Variants in DZIP3 observed in about 807,000 individuals in gnomAD.
DZIP3 encodes the protein DAZ interacting zinc finger protein 3.
Under a neutral mutation model 162.0 loss-of-function variants are expected in DZIP3, and 118 were observed. That is an observed-to-expected ratio of 0.73 (90% CI 0.63 to 0.85). The LOEUF (loss-of-function observed/expected upper bound fraction) is 0.85. Among genes scored for constraint, DZIP3 ranks in the 40% least tolerant of loss-of-function variants. The pLI is 0.00. For missense variants in DZIP3, 1,331 were observed against 1,407.0 expected (o/e 0.95, Z 0.86); for synonymous variants, 438 against 458.6 (o/e 0.96, Z 0.57).
intron 26 of DZIP3, among the ~76,000 whole-genome samples, chr3:108,681,644 AGCCC>A (rs1559783157): frequency 2.6e-5 from 4 of 152,128 alleles, no homozygotes; most frequent in Admixed American, 6.6e-5. Flanking sequence ...TGTTTATTGC[AGCCC>A]TGTTCACAGT....
intron 1 of DZIP3, among the ~76,000 whole-genome samples, chr3:108,595,584 A>G (rs2107431535): frequency 6.6e-6 from 1 of 152,316 alleles, no homozygotes; most frequent in South Asian, 2.1e-4. Flanking sequence ...AGTTTCAGAA[A>G]TACACCTGAT....
chr3:108,643,777 T>A (rs1218551207), intron 13 of DZIP3, among the ~76,000 whole-genome samples: 2 of 152,082 alleles, frequency 1.3e-5, no homozygotes, highest in Non-Finnish European at 2.9e-5. Context: ...CTGATTAGGA[T>A]AAAGTATAAT....
At chr3:108,609,110 T>A (rs1940556079) in intron 3 of DZIP3, among the ~76,000 whole-genome samples, 1 of 152,062 alleles carries the variant, frequency 6.6e-6, no homozygotes, top group South Asian at 2.1e-4. Context: ...GATGCTAAAC[T>A]ATTAGAAACC....
chr3:108,661,639 T>TA lies in DZIP3; in HGVS notation c.2200-229dup, dbSNP rs906116661. Among the ~76,000 whole-genome samples the TA allele has an allele frequency of 8.7e-4, 131 of 150,824 alleles. 3 individuals carry two copies. The highest frequency in any genetic ancestry group is 1.9e-3 in the South Asian group (9 of 4,760). ...ACCCTAAAACTTAAAGTATAATAAT[T>TA]AAAAAAAAAGAAATGGTAAGCATGC... On this transcript the variant is annotated intron_variant, in intron 19 of 32. Transcript: ENST00000361582.
Position 108,621,919 on chromosome 3 carries a change from C to T in DZIP3, c.376-2525C>T, listed in dbSNP as rs572906621. The stretch of plus-strand genomic sequence containing the variant: ...TACATATACACAGGGGAGTACTATT[C>T]AGCCATAAAAAAGCACAAGATTCCC... On this transcript the variant is annotated intron_variant, in intron 5 of 32. Transcript: ENST00000361582. Among the ~76,000 whole-genome samples, 4 of 151,914 alleles carry T rather than the reference C, an allele frequency of 2.6e-5. No individual in the cohort carries two copies. The South Asian group carries it at 8.3e-4, about 32-fold the overall frequency.
At position 108,693,871 on chromosome 3, in the gene DZIP3, T is replaced by C. The variant is rs2107456237; in HGVS notation, c.*518T>C. 6.6e-6 allele frequency: 1 copy of C among 152,280 alleles called. No individual in the cohort carries two copies. 9.4% of individuals were successfully genotyped at this position (152,280 alleles called of 1,614,324 possible). ...AAAACTATTTGTCTGTAGTTGCTTTTTGTGACAAAGTGAATACCCACTGGG... is the reference window on the plus strand; with the variant it reads ...AAAACTATTTGTCTGTAGTTGCTTTCTGTGACAAAGTGAATACCCACTGGG... On this transcript the variant is annotated 3_prime_UTR_variant, in exon 33 of 33. Transcript: ENST00000361582.
chr3:108,642,173 C>A lies in DZIP3; in HGVS notation c.1065-265C>A, dbSNP rs181267230. 5.9e-5 allele frequency among the ~76,000 whole-genome samples: 9 copies of A among 152,074 alleles called. No individual in the cohort carries two copies. In the East Asian group the frequency reaches 1.5e-3, roughly 26 times the overall value. On this transcript the variant is annotated intron_variant, in intron 12 of 32. Transcript: ENST00000361582. ...GCTTTCTTTCCTTTTTTTTCTGCTA[C>A]CACACAGCCTTTTTGCAAGGAAGTT...
intron 18 of DZIP3, among the ~76,000 whole-genome samples, chr3:108,652,743 T>A (rs1176512401): frequency 6.6e-6 from 1 of 151,914 alleles, no homozygotes; most frequent in Non-Finnish European, 1.5e-5. Flanking sequence ...ATATGTTATG[T>A]TTTATATTGT....
chr3:108,688,191 C>A, intron 29 of DZIP3, 95 bp downstream of exon 29: 3 of 1,423,902 alleles, frequency 2.1e-6, no homozygotes, highest in Admixed American at 2.2e-5. Flanking sequence ...TTCAGAAAAT[C>A]AGTAACTTGT....
chr3:108,593,321 A>G (rs954728671), intron 1 of DZIP3, among the ~76,000 whole-genome samples: 3 of 152,188 alleles, frequency 2.0e-5, no homozygotes, highest in African/African-American at 7.2e-5. Context: ...AAAAACTAAG[A>G]TAGGAAGGGG....
rs191331671 is a variant in DZIP3, at chr3:108,645,215, A to C, written c.1759+434A>C. The stretch of plus-strand genomic sequence containing the variant: ...TCACATTAAGGAGTCTGCATTTTTC[A>C]GAAAGAAATTGTTGAAGACTTTTGA... On this transcript the variant is annotated intron_variant, in intron 14 of 32. Coordinates refer to ENST00000361582, the MANE Select transcript of DZIP3 (RefSeq NM_014648.4). 6.6e-3 allele frequency among the ~76,000 whole-genome samples: 1,000 copies of C among 152,308 alleles called. 2 individuals carry two copies. Among genetic ancestry groups the C allele is most frequent in the Non-Finnish European group, 0.012 (789 of 68,022 alleles).
At position 108,629,188 on chromosome 3, in the gene DZIP3, T is replaced by C; in HGVS notation, c.696+12T>C. ...CTACAACTTTTAAAGTAAGAAATTA[T>C]TTAAGAGTAACATTTTATTTGTAAC... is the stretch of plus-strand genomic sequence containing the variant. On this transcript the variant is annotated intron_variant, in intron 8 of 32. Transcript: ENST00000361582. The C allele has an allele frequency of 6.7e-7, 1 of 1,487,222 alleles. No individual in the cohort carries two copies. The highest frequency in any genetic ancestry group is 9.2e-7 in the Non-Finnish European group (1 of 1,091,584). 92.1% of individuals were successfully genotyped at this position (1,487,222 alleles called of 1,614,324 possible).
At chr3:108,631,436 G>A (rs563238328) in intron 8 of DZIP3, among the ~76,000 whole-genome samples, 1 of 151,882 alleles carries the variant, frequency 6.6e-6, no homozygotes, top group Non-Finnish European at 1.5e-5. Context: ...GAGTGCAGTG[G>A]CATGATCATA....
intron 5 of DZIP3, among the ~76,000 whole-genome samples, chr3:108,622,857 T>A (rs1206652843): frequency 2.8e-5 from 3 of 108,366 alleles, no homozygotes; most frequent in African/African-American, 1.1e-4. Context: ...TCTCTCTCTC[T>A]CTCTCTCTCT....
rs762902193 is a variant in DZIP3 at position 108,644,830 on chromosome 3, G to A, written c.1759+49G>A. On this transcript the variant is annotated intron_variant, in intron 14 of 32. Transcript: ENST00000361582. ...GCCAATAAACTTCCATTGATTGAAT[G>A]TCTGCTCTGTGCCAGGCACAGTGCA... 4 of 1,539,282 alleles carry A rather than the reference G, an allele frequency of 2.6e-6. No individual in the cohort carries two copies. In the Admixed American group the frequency reaches 6.8e-5, roughly 26 times the overall value.
chr3:108,658,968 A>G (rs1248617054), intron 19 of DZIP3, among the ~76,000 whole-genome samples: 2 of 152,344 alleles, frequency 1.3e-5, no homozygotes, highest in East Asian at 3.9e-4. Flanking sequence ...GAATAGACCA[A>G]TAACAGGCTC....
intron 1 of DZIP3, among the ~76,000 whole-genome samples, chr3:108,597,687 T>A (rs532915502): frequency 2.0e-5 from 3 of 152,286 alleles, no homozygotes; most frequent in South Asian, 4.1e-4. Flanking sequence ...GACAGTAGTG[T>A]CCAGAGTACA....
At chr3:108,625,574 C>T (rs1272602541) in intron 6 of DZIP3, among the ~76,000 whole-genome samples, 5 of 152,150 alleles carry the variant, frequency 3.3e-5, no homozygotes, top group African/African-American at 4.8e-5. Context: ...GTTTTAGATA[C>T]ACAAATTTTT....
Position 108,631,543 on chromosome 3 carries a change from A to AT in DZIP3, c.697-1404dup, listed in dbSNP as rs1309264699. Among the ~76,000 whole-genome samples, 326 of 143,728 alleles carry AT rather than the reference A, an allele frequency of 2.3e-3. 1 individual carries two copies. The highest frequency in any genetic ancestry group is 0.011 in the Middle Eastern group (3 of 276). 94.3% of individuals were successfully genotyped at this position (143,728 alleles called of 152,430 possible). A position where few individuals can be genotyped will look rare whatever the true frequency, so the allele number is the denominator to read the frequency against. On this transcript the variant is annotated intron_variant, in intron 8 of 32. Coordinates refer to ENST00000361582, the MANE Select transcript of DZIP3 (RefSeq NM_014648.4). ...AGGCACACGCCACTGCACTTGGCTA[A>AT]TTTTTTAAAAAAAATTATTATTATT...
Sources: allele counts gnomAD v4.1 joint callset (sites outside exome capture counted in the v4.1 genomes callset), GRCh38; gene constraint gnomAD v4.1.1; transcripts MANE v1.5; gene names NCBI Gene and HGNC (gene_info 2026-07-23, HGNC 2026-07-21).